AGBL3: variants seen among roughly 807,000 people sequenced by gnomAD.
AGBL3 encodes the protein AGBL carboxypeptidase 3.
A neutral mutation model predicts 94.5 loss-of-function variants in AGBL3; 68 were observed. The ratio of observed to expected loss-of-function variants is 0.72; its 90% CI spans 0.59 to 0.88. AGBL3 has a LOEUF of 0.88. Ranked by LOEUF, AGBL3 falls within the 40% of genes least tolerant of loss-of-function variation. The probability of loss-of-function intolerance (pLI) is 0.00; values close to 1 mark genes in which losing one functional copy is unlikely to be tolerated. For synonymous variants in AGBL3, 354 were observed against 370.7 expected (o/e 0.95, Z 0.52); for missense variants, 934 against 1,103.8 (o/e 0.85, Z 2.18).
intron 16 of AGBL3, among the ~76,000 whole-genome samples, chr7:135,119,026 G>A (rs945526520): frequency 4.6e-5 from 7 of 152,060 alleles, no homozygotes; most frequent in Non-Finnish European, 1.0e-4. Flanking sequence ...GCACCTGTAG[G>A]ACTATAAGAC....
At chr7:135,112,924 T>TGCC (rs1825841364) in intron 15 of AGBL3, among the ~76,000 whole-genome samples, 2 of 152,240 alleles carry the variant, frequency 1.3e-5, no homozygotes, top group African/African-American at 4.8e-5. Flanking sequence ...ATTACAGAAC[T>TGCC]CGCCACCATG....
chr7:135,122,736 G>C (rs1473679292), intron 16 of AGBL3, among the ~76,000 whole-genome samples: 1 of 152,140 alleles, frequency 6.6e-6, no homozygotes, highest in Non-Finnish European at 1.5e-5. Context: ...CCAGGCCCAG[G>C]AGTGAACCAG....
rs1333909762 is a variant in AGBL3 at position 135,135,059 on chromosome 7, C to G, written c.2561C>G (p.Pro854Arg). ...IWAIKNEDIKPLSSKWETASS... is the reference protein window; with the variant it reads ...IWAIKNEDIKRLSSKWETASS... Reference sequence around the variant, plus strand: ...GCCATAAAGAATGAAGACATAAAACCTCTCAGCAGCAAGTGGGAGACTGCT... The same window carrying G: ...GCCATAAAGAATGAAGACATAAAACGTCTCAGCAGCAAGTGGGAGACTGCT... The change falls in exon 17 of 17, where the codon CCT (proline) becomes CGT (arginine). Residue 854 changes from proline to arginine, a missense_variant. This residue lies in a region of AGBL3 where 441 missense variants were observed against 518.2 expected (regional missense o/e 0.85). Coordinates refer to ENST00000436302, the MANE Select transcript of AGBL3 (RefSeq NM_178563.4). 6.4e-7 allele frequency: 1 copy of G among 1,551,092 alleles called. No individual in the cohort carries two copies. The highest frequency in any genetic ancestry group is 1.4e-5 in the African/African-American group (1 of 72,994).
At chr7:135,132,651 A>G (rs1245862466) in intron 16 of AGBL3, among the ~76,000 whole-genome samples, 1 of 152,182 alleles carries the variant, frequency 6.6e-6, no homozygotes, top group Non-Finnish European at 1.5e-5. Context: ...CAGTTTCCCC[A>G]TACTCTTCTC....
chr7:134,998,119 A>G (rs1811232250), intron 4 of AGBL3, among the ~76,000 whole-genome samples: 1 of 152,220 alleles, frequency 6.6e-6, no homozygotes, highest in South Asian at 2.1e-4. Flanking sequence ...TACCAATGTT[A>G]TACTGTATCT....
chr7:135,111,980 T>C (rs2117147468), intron 15 of AGBL3, among the ~76,000 whole-genome samples: 1 of 151,824 alleles, frequency 6.6e-6, no homozygotes, highest in East Asian at 2.0e-4. Flanking sequence ...TTCCGATCTC[T>C]TTCTCCTGCA....
In AGBL3 at chr7:135,026,939, C is replaced by A. The variant is rs192732207; in HGVS notation, c.419-5905C>A. Among the ~76,000 whole-genome samples, 81 of 151,614 alleles carry A rather than the reference C, an allele frequency of 5.3e-4. 2 individuals carry two copies. The highest frequency in any genetic ancestry group is 4.7e-4 in the Non-Finnish European group (32 of 67,978). On this transcript the variant is annotated intron_variant, in intron 5 of 16. Coordinates refer to ENST00000436302, the MANE Select transcript of AGBL3 (RefSeq NM_178563.4). ...TCTTTTTGGGAAGGTTAATCAAACA[C>A]CTTTTAGTATTTCATTTTAATTAAA...
intron 4 of AGBL3, 21 bp from the exon 5 acceptor site, chr7:135,017,031 A>G: frequency 7.0e-7 from 1 of 1,424,200 alleles, no homozygotes; most frequent in Non-Finnish European, 9.7e-7. Context: ...TCTTCAAATA[A>G]TGTTTCACTT....
At chr7:135,070,453 G>A (rs1378400733) in intron 12 of AGBL3, among the ~76,000 whole-genome samples, 1 of 152,168 alleles carries the variant, frequency 6.6e-6, no homozygotes, top group Non-Finnish European at 1.5e-5. Flanking sequence ...TATCCTTGAT[G>A]AACATTGATA....
intron 15 of AGBL3, among the ~76,000 whole-genome samples, chr7:135,088,337 T>C (rs1206944857): frequency 6.6e-6 from 1 of 152,154 alleles, no homozygotes; most frequent in Non-Finnish European, 1.5e-5. Flanking sequence ...CATACTCCTA[T>C]ATTTTGTTGT....
intron 15 of AGBL3, among the ~76,000 whole-genome samples, chr7:135,105,096 G>A (rs7808312): frequency 0.24 from 33,655 of 142,806 alleles, 4,986 homozygotes; most frequent in South Asian, 0.42. Context: ...TTGAGATGGA[G>A]TCTTGCTCTT....
intron 9 of AGBL3, among the ~76,000 whole-genome samples, chr7:135,045,166 A>G (rs540544066): frequency 2.6e-5 from 4 of 152,200 alleles, no homozygotes; most frequent in South Asian, 2.1e-4. Context: ...AAATCTTTAC[A>G]TGAGTTTTTC....
intron 3 of AGBL3, among the ~76,000 whole-genome samples, chr7:134,993,287 A>C (rs1810535397): frequency 6.6e-6 from 1 of 152,246 alleles, no homozygotes; most frequent in Non-Finnish European, 1.5e-5. Context: ...ATAGTATAAA[A>C]GTCAACTATC....
At chr7:135,101,146 G>A (rs915505445) in intron 15 of AGBL3, 1 of 455,712 alleles carries the variant, frequency 2.2e-6, no homozygotes, top group Non-Finnish European at 4.4e-6. Context: ...TCAGTGAGAG[G>A]CCAATCTAGG....
chr7:135,108,831 AT>A (rs2117110350), intron 15 of AGBL3, among the ~76,000 whole-genome samples: 1 of 152,268 alleles, frequency 6.6e-6, no homozygotes, highest in East Asian at 1.9e-4. Context: ...TGATTCATAA[AT>A]TTGGCCTCTT....
intron 1 of AGBL3, among the ~76,000 whole-genome samples, chr7:134,987,153 G>A (rs1340004642): frequency 6.6e-6 from 1 of 152,230 alleles, no homozygotes; most frequent in Non-Finnish European, 1.5e-5. Flanking sequence ...TTGCCATAGA[G>A]CTTGGACTTA....
intron 16 of AGBL3, 141 bp from the exon 17 acceptor site, chr7:135,134,700 A>T: frequency 1.3e-6 from 1 of 790,418 alleles, no homozygotes; most frequent in Non-Finnish European, 1.9e-6. Flanking sequence ...GAAGACTTCT[A>T]AATGATGGTA....
intron 15 of AGBL3, among the ~76,000 whole-genome samples, chr7:135,083,551 T>A (rs1278799503): frequency 2.7e-5 from 4 of 150,430 alleles, no homozygotes; most frequent in African/African-American, 9.7e-5. Flanking sequence ...TTCTCTTACA[T>A]TAAAATCAGG....
At chr7:135,045,662 A>G (rs1817286886) in intron 10 of AGBL3, 88 bp downstream of exon 10, 3 of 1,373,912 alleles carry the variant, frequency 2.2e-6, no homozygotes, top group Non-Finnish European at 3.0e-6. Context: ...TTTGCCTTTT[A>G]ATGTCCCAAC....
Sources: allele counts gnomAD v4.1 joint callset (sites outside exome capture counted in the v4.1 genomes callset), GRCh38; gene constraint gnomAD v4.1.1; regional missense constraint gnomAD v4.1.1; transcripts MANE v1.5; gene names NCBI Gene and HGNC (gene_info 2026-07-23, HGNC 2026-07-21).